PPP1R13B: variants seen among roughly 807,000 people sequenced by gnomAD.
PPP1R13B encodes the protein apoptosis-stimulating of p53 protein 1.
A neutral mutation model predicts 119.8 loss-of-function variants in PPP1R13B; 44 were observed. The observed-to-expected ratio is 0.37, with a 90% CI of 0.29 to 0.47. The LOEUF is 0.47. PPP1R13B is among the 20% of genes least tolerant of loss of function. The probability of loss-of-function intolerance (pLI) is 0.99; values close to 1 mark genes in which losing one functional copy is unlikely to be tolerated. For synonymous variants in PPP1R13B, 542 were observed against 561.5 expected (o/e 0.97, Z 0.49); for missense variants, 1,227 against 1,413.5 (o/e 0.87, Z 2.12).
Position 103,847,235 on chromosome 14 carries a change from G to A in PPP1R13B, c.9+64C>T, listed in dbSNP as rs960940017. On this transcript the variant is annotated intron_variant, in intron 1 of 16. Transcript: ENST00000202556. ...CCGCGGGGGCTGGGAGCCGCGGGAG[G>A]AAGGAGGTTTGGCCAGCGGCCCGCG... The A allele has an allele frequency of 4.7e-5, 52 of 1,117,194 alleles. No individual in the cohort carries two copies. In the Middle Eastern group the frequency reaches 1.2e-3, roughly 25 times the overall value. The allele number at this position is 1,117,194 out of a possible 1,614,324, so 69.2% of individuals were successfully genotyped here. A position where few individuals can be genotyped will look rare whatever the true frequency, so the allele number is the denominator to read the frequency against.
chr14:103,839,627 CAA>C (rs34211181), intron 1 of PPP1R13B, among the ~76,000 whole-genome samples: 13 of 135,036 alleles, frequency 9.6e-5, no homozygotes, highest in Admixed American at 7.5e-5. Context: ...AACTCTGCCT[CAA>C]AAAAAAAAAA....
chr14:103,806,429 C>A lies in PPP1R13B; in HGVS notation c.10-8911G>T, dbSNP rs140258656. Among the ~76,000 whole-genome samples, 725 of 152,196 alleles carry A rather than the reference C, an allele frequency of 4.8e-3. 3 individuals are homozygous for A. Among genetic ancestry groups the A allele is most frequent in the Non-Finnish European group, 6.9e-3 (468 of 68,014 alleles). On this transcript the variant is annotated intron_variant, in intron 1 of 16. Coordinates refer to ENST00000202556, the MANE Select transcript of PPP1R13B (RefSeq NM_015316.3). The stretch of plus-strand genomic sequence containing the variant: ...AGCTATACTAAATTTTAGTAACTTG[C>A]AATAACTCACTTGGTAGGTTATGAG...
In PPP1R13B at chr14:103,754,074, A is replaced by G; in HGVS notation, c.627T>C (p.Asn209=). The G allele has an allele frequency of 1.9e-6, 3 of 1,613,870 alleles. No individual in the cohort carries two copies. Among genetic ancestry groups the G allele is most frequent in the Non-Finnish European group, 2.5e-6 (3 of 1,179,916 alleles). The change falls in exon 6 of 17, where the codon AAT becomes AAC. Residue 209 remains asparagine, a synonymous_variant. Coordinates refer to ENST00000202556, the MANE Select transcript of PPP1R13B (RefSeq NM_015316.3). ...QVDYSKIMNG[N]LSAEIERFSA... ...GGGGGTGTTGCAGGCACGTACACAG[A>G]TTGCCGTTCATGATTTTGCTGTAGT...
At chr14:103,753,378 A>C (rs1282665619) in intron 6 of PPP1R13B, among the ~76,000 whole-genome samples, 182 bp from the exon 7 acceptor site, 2 of 152,226 alleles carry the variant, frequency 1.3e-5, no homozygotes, top group African/African-American at 4.8e-5. Flanking sequence ...TTACTCATAA[A>C]GCAAACAATT....
At position 103,742,550 on chromosome 14, in the gene PPP1R13B, T is replaced by A. The variant is rs1281793864; in HGVS notation, c.1320+104A>T. ...GGGTGTTGTCTGGACAATAACAGGA[T>A]TAACTTGCCTCCTGACAAGTCATAC... On this transcript the variant is annotated intron_variant, in intron 10 of 16. Coordinates refer to ENST00000202556, the MANE Select transcript of PPP1R13B (RefSeq NM_015316.3). This position sits in a 1 kb window ranked among gnomAD's most constrained non-coding sequence, Gnocchi z 4.9. The A allele has an allele frequency of 1.8e-5, 26 of 1,446,166 alleles. No individual in the cohort carries two copies. Among genetic ancestry groups the A allele is most frequent in the Admixed American group, 4.4e-5 (2 of 45,324 alleles). The allele number at this position is 1,446,166 out of a possible 1,614,324, so 89.6% of individuals were successfully genotyped here.
In PPP1R13B at chr14:103,738,115, T is replaced by C. The variant is rs1175219247; in HGVS notation, c.2865-255A>G. Among the ~76,000 whole-genome samples, 2 of 152,270 alleles carry C rather than the reference T, an allele frequency of 1.3e-5. No homozygotes were observed. The highest frequency in any genetic ancestry group is 2.1e-4 in the South Asian group (1 of 4,836). ...ATGTTCACGCCACACTGCATGGTGATGTGAATGTACATAACACACTGAAAC... is the reference window on the plus strand; with the variant it reads ...ATGTTCACGCCACACTGCATGGTGACGTGAATGTACATAACACACTGAAAC... On this transcript the variant is annotated intron_variant, in intron 14 of 16. Transcript: ENST00000202556. This position sits in a 1 kb window ranked among gnomAD's most constrained non-coding sequence, Gnocchi z 5.6.
rs1415604206 is a variant in PPP1R13B, at chr14:103,742,018, G to A, written c.1594C>T (p.Pro532Ser). 3.7e-6 allele frequency: 6 copies of A among 1,614,280 alleles called. No homozygotes were observed. The highest frequency in any genetic ancestry group is 2.2e-5 in the East Asian group (1 of 44,884). Residue 532 changes from proline to serine, a missense_variant, in exon 11 of 17, where the codon CCA (proline) becomes TCA (serine). Transcript: ENST00000202556. This position sits in a 1 kb window ranked among gnomAD's most constrained non-coding sequence, Gnocchi z 4.9. ...GCTGGAAATGCAGGTGGTCCCGCTG[G>A]CGGGTACGTGGGACTTGGCGGTACG... ...ISVPPSPTYP[P>S]AGPPAFPAGD...
At chr14:103,784,107 C>T (rs2085395756) in intron 3 of PPP1R13B, among the ~76,000 whole-genome samples, 1 of 152,180 alleles carries the variant, frequency 6.6e-6, no homozygotes, top group South Asian at 2.1e-4. Context: ...ACCCAGGAGG[C>T]AGAGGTTGCA....
At chr14:103,802,338 A>C (rs1238380131) in intron 1 of PPP1R13B, among the ~76,000 whole-genome samples, 2 of 152,188 alleles carry the variant, frequency 1.3e-5, no homozygotes, top group East Asian at 3.8e-4. Context: ...AAAAGATCTA[A>C]TAATAAATTT....
At chr14:103,760,861 C>G (rs561897670) in intron 4 of PPP1R13B, among the ~76,000 whole-genome samples, 2 of 152,186 alleles carry the variant, frequency 1.3e-5, no homozygotes, top group Non-Finnish European at 2.9e-5. Context: ...GATCATATCA[C>G]TGCCTTCTTT....
upstream of PPP1R13B, chr14:103,848,435 C>G (rs2087125871): frequency 1.0e-6 from 1 of 985,360 alleles, no homozygotes; most frequent in Non-Finnish European, 1.2e-6. Flanking sequence ...TGAGCAGACC[C>G]TCAGTAAAGG....
At chr14:103,839,786 C>G (rs2086861930) in intron 1 of PPP1R13B, among the ~76,000 whole-genome samples, 1 of 152,192 alleles carries the variant, frequency 6.6e-6, no homozygotes, top group Non-Finnish European at 1.5e-5. Flanking sequence ...ACTTTTGTTT[C>G]TCCAGCATGC....
intron 1 of PPP1R13B, among the ~76,000 whole-genome samples, chr14:103,835,533 G>A (rs1011679636): frequency 2.6e-5 from 4 of 151,584 alleles, no homozygotes; most frequent in African/African-American, 7.3e-5. Flanking sequence ...GGGTTCAAGC[G>A]ATCCTAGTGC....
chr14:103,819,280 G>A (rs568856510), intron 1 of PPP1R13B, among the ~76,000 whole-genome samples: 1 of 152,226 alleles, frequency 6.6e-6, no homozygotes, highest in African/African-American at 2.4e-5. Flanking sequence ...TGCCATAAAG[G>A]TTTACAGGTT....
chr14:103,822,760 C>T (rs1198450230), intron 1 of PPP1R13B, among the ~76,000 whole-genome samples: 1 of 151,880 alleles, frequency 6.6e-6, no homozygotes, highest in Non-Finnish European at 1.5e-5. Flanking sequence ...TTGCAGTGAG[C>T]TGAGATTGCA....
intron 2 of PPP1R13B, among the ~76,000 whole-genome samples, chr14:103,793,119 G>C (rs1254567252): frequency 4.0e-5 from 4 of 99,850 alleles, no homozygotes; most frequent in Non-Finnish European, 7.8e-5. Context: ...GGGAGGGAAG[G>C]CAATGGGAGG....
At chr14:103,747,336 G>A (rs1003071054) in intron 8 of PPP1R13B, 3 of 152,258 alleles carry the variant, frequency 2.0e-5, no homozygotes, top group Admixed American at 6.5e-5. Context: ...CCTTTGGGTG[G>A]AGACGCATCT....
At chr14:103,777,987 C>G (rs941551219) in intron 4 of PPP1R13B, among the ~76,000 whole-genome samples, 2 of 149,110 alleles carry the variant, frequency 1.3e-5, no homozygotes, top group Non-Finnish European at 3.0e-5. Flanking sequence ...GAATTTCGCT[C>G]GTTGCCCAGG....
chr14:103,742,007 T>C lies in PPP1R13B; in HGVS notation c.1605A>G (p.Pro535=). Residue 535 remains proline, a synonymous_variant, in exon 11 of 17, where the codon CCA becomes CCG. Transcript: ENST00000202556. This position sits in a 1 kb window ranked among gnomAD's most constrained non-coding sequence, Gnocchi z 4.9. The stretch of plus-strand genomic sequence containing the variant: ...TGCTGTCCCCAGCTGGAAATGCAGG[T>C]GGTCCCGCTGGCGGGTACGTGGGAC... ...PPSPTYPPAG[P]PAFPAGDSKP... The C allele has an allele frequency of 6.2e-7, 1 of 1,614,278 alleles. No homozygotes were observed. The highest frequency in any genetic ancestry group is 8.5e-7 in the Non-Finnish European group (1 of 1,180,056).
Sources: allele counts gnomAD v4.1 joint callset (sites outside exome capture counted in the v4.1 genomes callset), GRCh38; gene constraint gnomAD v4.1.1; non-coding constraint Gnocchi (gnomAD v3.1); transcripts MANE v1.5; gene names NCBI Gene and HGNC (gene_info 2026-07-23, HGNC 2026-07-21).